The following PTPRD variants were observed in gnomAD, a reference collection of about 807,000 sequenced individuals.
PTPRD encodes receptor-type tyrosine-protein phosphatase delta.
PTPRD carries 34 observed loss-of-function variants against 214.5 expected under a neutral mutation model. The ratio of observed to expected loss-of-function variants is 0.16; its 90% CI spans 0.12 to 0.21. PTPRD has a LOEUF of 0.21. PTPRD is among the 10% of genes least tolerant of loss of function. The pLI is 1.00. For missense variants in PTPRD, 2,545 were observed against 2,398.7 expected (o/e 1.06, Z -1.27); for synonymous variants, 1,128 against 845.7 (o/e 1.33, Z -5.79).
chr9:9,985,992 G>C (rs2095697005), intron 4 of PTPRD, among the ~76,000 whole-genome samples: 1 of 152,078 alleles, frequency 6.6e-6, no homozygotes, highest in Non-Finnish European at 1.5e-5. Context: ...ACTTAATTTG[G>C]TTTGGGGAAT....
chr9:9,327,321 A>G (rs1322381131), intron 9 of PTPRD, among the ~76,000 whole-genome samples: 2 of 152,194 alleles, frequency 1.3e-5, no homozygotes, highest in Non-Finnish European at 2.9e-5. Context: ...TTTTCTTGAT[A>G]AGCAATCAAA....
At position 8,717,218 on chromosome 9, in the gene PTPRD, G is replaced by C. The variant is rs568770895; in HGVS notation, c.64+16562C>G. Among the ~76,000 whole-genome samples the C allele has an allele frequency of 2.6e-5, 4 of 152,226 alleles. No individual in the cohort carries two copies. The South Asian group carries it at 6.2e-4, about 24-fold the overall frequency. ...TGAAAACTATGATACCTCTAGGAGA[G>C]ACACAAAAACCGTATCAATGTGCAT... is the stretch of plus-strand genomic sequence containing the variant. On this transcript the variant is annotated intron_variant, in intron 12 of 45. Transcript: ENST00000381196.
chr9:9,015,686 T>C (rs968926653), intron 11 of PTPRD, among the ~76,000 whole-genome samples: 11 of 152,156 alleles, frequency 7.2e-5, no homozygotes, highest in African/African-American at 2.7e-4. Flanking sequence ...GGGGTCTGGA[T>C]TGGGACCCCT....
At chr9:8,767,238 C>T (rs2094826548) in intron 11 of PTPRD, among the ~76,000 whole-genome samples, 1 of 152,114 alleles carries the variant, frequency 6.6e-6, no homozygotes, top group South Asian at 2.1e-4. Flanking sequence ...CTGCCTCAGC[C>T]TCCCGAGTAG....
rs114671522 is a variant in PTPRD at position 8,347,561 on chromosome 9, G to A, written c.4662-5583C>T. On this transcript the variant is annotated intron_variant, in intron 39 of 45. Transcript: ENST00000381196. Reference sequence around the variant, plus strand: ...AAGGATGCTGGTAGAGCACCTTTGAGGAAGTGCCATTGAAACTGAAATCTG... The same window carrying A: ...AAGGATGCTGGTAGAGCACCTTTGAAGAAGTGCCATTGAAACTGAAATCTG... Among the ~76,000 whole-genome samples, 1,134 of 152,244 alleles carry A rather than the reference G, an allele frequency of 7.4e-3. 13 individuals are homozygous for A. The highest frequency in any genetic ancestry group is 0.025 in the African/African-American group (1,026 of 41,552).
chr9:8,320,018 C>T lies in PTPRD; in HGVS notation c.5535-52G>A, dbSNP rs750793853. ...CTGGGTGAGATGTTCACAGTCTTGGCCACATTTGCTTGGGTGTGGACATAC... is the reference window on the plus strand; with the variant it reads ...CTGGGTGAGATGTTCACAGTCTTGGTCACATTTGCTTGGGTGTGGACATAC... On this transcript the variant is annotated intron_variant, in intron 44 of 45. Coordinates refer to ENST00000381196, the MANE Select transcript of PTPRD (RefSeq NM_002839.4). 16 of 1,592,316 alleles carry T rather than the reference C, an allele frequency of 1.0e-5. No individual in the cohort carries two copies. The Admixed American group carries it at 2.7e-4, about 27-fold the overall frequency.
At chr9:8,895,607 T>G (rs144533548) in intron 11 of PTPRD, among the ~76,000 whole-genome samples, 1,697 of 152,306 alleles carry the variant, frequency 0.011, 11 homozygotes, top group Middle Eastern at 0.024. Flanking sequence ...CTCTCCCCGA[T>G]ATGTGTGCAA....
At position 8,637,849 on chromosome 9, in the gene PTPRD, CAT is replaced by C. The variant is rs575320017; in HGVS notation, c.65-1007_65-1006del. Among the ~76,000 whole-genome samples the C allele has an allele frequency of 5.2e-3, 792 of 152,176 alleles. 4 individuals carry two copies. Among genetic ancestry groups the C allele is most frequent in the Non-Finnish European group, 8.2e-3 (560 of 68,012 alleles). ...GTGTTATAAAATCTGTATCATACCA[CAT>C]GAGAAATGCTTATGATGCAATAATA... On this transcript the variant is annotated intron_variant, in intron 12 of 45. Coordinates refer to ENST00000381196, the MANE Select transcript of PTPRD (RefSeq NM_002839.4).
At chr9:9,963,272 C>G (rs570267698) in intron 4 of PTPRD, among the ~76,000 whole-genome samples, 2 of 152,114 alleles carry the variant, frequency 1.3e-5, no homozygotes, top group East Asian at 3.9e-4. Flanking sequence ...ATTGTATGTA[C>G]CTAAATTTCA....
At chr9:8,672,728 A>G (rs2097310598) in intron 12 of PTPRD, among the ~76,000 whole-genome samples, 2 of 152,046 alleles carry the variant, frequency 1.3e-5, no homozygotes, top group Non-Finnish European at 2.9e-5. Context: ...AGATGAACAG[A>G]TAAAAATGGC....
chr9:9,569,777 A>T (rs952432829), intron 8 of PTPRD, among the ~76,000 whole-genome samples: 1 of 151,528 alleles, frequency 6.6e-6, no homozygotes, highest in Admixed American at 6.6e-5. Context: ...TGTGTAAATC[A>T]TATAGAGTAA....
At chr9:8,360,802 AG>A (rs576371387) in intron 39 of PTPRD, among the ~76,000 whole-genome samples, 1 of 152,234 alleles carries the variant, frequency 6.6e-6, no homozygotes, top group African/African-American at 2.4e-5. Context: ...AGAAATTCCA[AG>A]GGGGGACAAA....
intron 9 of PTPRD, among the ~76,000 whole-genome samples, chr9:9,308,495 G>T (rs530284785): frequency 3.9e-5 from 6 of 152,160 alleles, no homozygotes; most frequent in Non-Finnish European, 7.4e-5. Flanking sequence ...TCATTGGAAA[G>T]AGAAGCATAA....
intron 8 of PTPRD, among the ~76,000 whole-genome samples, chr9:9,533,353 C>A (rs750235539): frequency 6.6e-6 from 1 of 151,988 alleles, no homozygotes; most frequent in Admixed American, 6.6e-5. Flanking sequence ...AATATGCCGG[C>A]CAAAATGCAT....
intron 3 of PTPRD, among the ~76,000 whole-genome samples, chr9:10,219,002 A>C (rs563850567): frequency 1.3e-5 from 2 of 151,960 alleles, no homozygotes; most frequent in Non-Finnish European, 2.9e-5. Flanking sequence ...TTACCCACTA[A>C]CATTGAGCTA....
At chr9:9,301,200 G>GT (rs1043130426) in intron 9 of PTPRD, among the ~76,000 whole-genome samples, 2 of 151,794 alleles carry the variant, frequency 1.3e-5, no homozygotes, top group Non-Finnish European at 2.9e-5. Context: ...CTATGTTAAA[G>GT]TTTTTTCTCA....
intron 2 of PTPRD, among the ~76,000 whole-genome samples, chr9:10,532,570 T>C (rs955511139): frequency 2.0e-5 from 3 of 147,868 alleles, no homozygotes; most frequent in Admixed American, 1.4e-4. Context: ...CCTATATATA[T>C]ACACTATATA....
intron 7 of PTPRD, among the ~76,000 whole-genome samples, chr9:9,607,952 G>A (rs569246905): frequency 3.0e-4 from 46 of 152,228 alleles, no homozygotes; most frequent in African/African-American, 1.1e-3. Flanking sequence ...ATAAAGGGCA[G>A]CTTGGCAGTG....
chr9:8,783,711 G>T (rs1479237551), intron 11 of PTPRD, among the ~76,000 whole-genome samples: 1 of 152,140 alleles, frequency 6.6e-6, no homozygotes, highest in African/African-American at 2.4e-5. Flanking sequence ...AAACGGCTCA[G>T]TTCCGTTTCA....
Sources: allele counts gnomAD v4.1 joint callset (sites outside exome capture counted in the v4.1 genomes callset), GRCh38; gene constraint gnomAD v4.1.1; transcripts MANE v1.5; gene names NCBI Gene and HGNC (gene_info 2026-07-23, HGNC 2026-07-21).